Variants in METAP1 observed in about 807,000 individuals in gnomAD.
The protein encoded by METAP1 is methionine aminopeptidase 1.
In METAP1, 28 loss-of-function variants were observed where a neutral mutation model predicts 53.8. That is an observed-to-expected ratio of 0.52 (90% CI 0.39 to 0.71). The LOEUF (loss-of-function observed/expected upper bound fraction) is 0.71, where lower values mean the gene tolerates loss of function less well. METAP1 is among the 30% of genes least tolerant of loss of function. The pLI is 0.00. For synonymous variants in METAP1, 181 were observed against 165.7 expected (o/e 1.09, Z -0.71); for missense variants, 389 against 479.8 (o/e 0.81, Z 1.77).
chr4:99,058,434 G>GC (rs1012633432), intron 10 of METAP1, among the ~76,000 whole-genome samples: 75 of 152,180 alleles, frequency 4.9e-4, no homozygotes, highest in African/African-American at 1.7e-3. Context: ...CACTTGGAAA[G>GC]CACACTTGGC....
intron 8 of METAP1, among the ~76,000 whole-genome samples, chr4:99,048,513 G>A (rs991775676): frequency 2.0e-5 from 3 of 152,102 alleles, no homozygotes; most frequent in Non-Finnish European, 4.4e-5. Flanking sequence ...GGGACTATAG[G>A]CATGCACCAC....
chr4:99,025,904 A>G (rs914686481), intron 1 of METAP1, among the ~76,000 whole-genome samples: 1 of 152,226 alleles, frequency 6.6e-6, no homozygotes, highest in Admixed American at 6.5e-5. Flanking sequence ...ATTCCTTTCT[A>G]CAGATAATAA....
chr4:99,040,446 T>C, intron 5 of METAP1, among the ~76,000 whole-genome samples: 1 of 151,562 alleles, frequency 6.6e-6, no homozygotes. Context: ...TATGACTTGC[T>C]GTGATTCTTT....
At chr4:99,002,097 A>G (rs1156763265) in intron 1 of METAP1, among the ~76,000 whole-genome samples, 1 of 152,196 alleles carries the variant, frequency 6.6e-6, no homozygotes, top group Non-Finnish European at 1.5e-5. Flanking sequence ...ATGGTTTTTT[A>G]AGGTGAATCT....
chr4:99,045,108 C>G, intron 7 of METAP1, 71 bp from the exon 8 acceptor site: 2 of 1,475,446 alleles, frequency 1.4e-6, no homozygotes, highest in East Asian at 2.4e-5. Context: ...TAGATGCTGT[C>G]ATGTTGGAAA....
chr4:99,048,991 T>G (rs557098606), intron 9 of METAP1, 115 bp downstream of exon 9: 1 of 1,237,902 alleles, frequency 8.1e-7, no homozygotes, highest in African/African-American at 1.5e-5. Flanking sequence ...TTAGCTGTAA[T>G]AGATAGATTC....
intron 9 of METAP1, among the ~76,000 whole-genome samples, chr4:99,055,515 T>C (rs1052481470): frequency 8.5e-5 from 13 of 152,240 alleles, no homozygotes; most frequent in Admixed American, 1.3e-4. Flanking sequence ...ATAGATCAGG[T>C]ACAAATTTTT....
chr4:99,027,907 C>G (rs1237571589), intron 1 of METAP1, among the ~76,000 whole-genome samples: 2 of 152,004 alleles, frequency 1.3e-5, no homozygotes, highest in Admixed American at 6.6e-5. Context: ...CAAACCTTTA[C>G]AGAAGGCAGC....
At chr4:99,033,386 A>G (rs894951801) in intron 2 of METAP1, among the ~76,000 whole-genome samples, 1 of 152,068 alleles carries the variant, frequency 6.6e-6, no homozygotes, top group African/African-American at 2.4e-5. Flanking sequence ...TCTACGAGGG[A>G]CTTGTATTCC....
At chr4:99,051,775 G>GTT (rs1022837077) in intron 9 of METAP1, among the ~76,000 whole-genome samples, 6 of 145,956 alleles carry the variant, frequency 4.1e-5, no homozygotes, top group African/African-American at 1.3e-4. Flanking sequence ...ACTATTGAGG[G>GTT]TTTTTTTTTT....
chr4:99,018,643 A>G (rs899542068), intron 1 of METAP1, among the ~76,000 whole-genome samples: 2 of 152,220 alleles, frequency 1.3e-5, no homozygotes, highest in East Asian at 1.9e-4. Flanking sequence ...TAAGGTTAAT[A>G]TATGGATTTG....
At chr4:99,019,348 G>A (rs2602910) in intron 1 of METAP1, among the ~76,000 whole-genome samples, 25,074 of 152,112 alleles carry the variant, frequency 0.16, 3,334 homozygotes, top group East Asian at 0.8. Context: ...CCTGACTCAC[G>A]TATTCTTCCT....
intron 2 of METAP1, chr4:99,031,350 TC>T (rs1290659371): frequency 1.5e-6 from 1 of 675,058 alleles, no homozygotes; most frequent in East Asian, 1.4e-4. Flanking sequence ...TGTGTTTGTT[TC>T]TCATTTTCCT....
intron 8 of METAP1, among the ~76,000 whole-genome samples, chr4:99,046,169 C>T (rs1395100435): frequency 2.0e-5 from 3 of 152,062 alleles, no homozygotes; most frequent in African/African-American, 7.2e-5. Context: ...ATCCCAGCAC[C>T]TTGGGAGGCT....
intron 8 of METAP1, among the ~76,000 whole-genome samples, chr4:99,046,309 G>C (rs1726227556): frequency 6.6e-6 from 1 of 152,132 alleles, no homozygotes. Flanking sequence ...AGCTACTCGG[G>C]AGGCTGAGGC....
chr4:99,048,358 A>G (rs903741048), intron 8 of METAP1, among the ~76,000 whole-genome samples: 1 of 151,858 alleles, frequency 6.6e-6, no homozygotes, highest in Non-Finnish European at 1.5e-5. Context: ...TAGCACAAAG[A>G]TAGTAATTAC....
intron 2 of METAP1, among the ~76,000 whole-genome samples, chr4:99,030,217 G>A (rs956875676): frequency 6.6e-6 from 1 of 152,028 alleles, no homozygotes; most frequent in African/African-American, 2.4e-5. Context: ...GCTTAAAATC[G>A]GCCTCTCCCT....
At chr4:99,053,291 C>T (rs141452953) in intron 9 of METAP1, among the ~76,000 whole-genome samples, 1 of 152,316 alleles carries the variant, frequency 6.6e-6, no homozygotes, top group African/African-American at 2.4e-5. Flanking sequence ...CTCTGGTTGC[C>T]CAGGCTGGAG....
intron 2 of METAP1, among the ~76,000 whole-genome samples, chr4:99,030,956 G>A (rs1266652669): frequency 6.6e-6 from 1 of 151,900 alleles, no homozygotes; most frequent in Non-Finnish European, 1.5e-5. Flanking sequence ...AGATTATGTA[G>A]AATTGATATT....
Sources: allele counts gnomAD v4.1 joint callset (sites outside exome capture counted in the v4.1 genomes callset), GRCh38; gene constraint gnomAD v4.1.1; transcripts MANE v1.5; gene names NCBI Gene and HGNC (gene_info 2026-07-23, HGNC 2026-07-21).